Variants in KLHL2 observed in about 807,000 individuals in gnomAD.
KLHL2 encodes the protein kelch like family member 2.
In KLHL2, 15 loss-of-function variants were observed where a neutral mutation model predicts 75.8. The ratio of observed to expected loss-of-function variants is 0.20; its 90% CI spans 0.13 to 0.30. KLHL2 has a LOEUF of 0.30. Ranked by LOEUF, KLHL2 falls within the 10% of genes least tolerant of loss-of-function variation. The pLI, the probability that KLHL2 is intolerant of heterozygous loss-of-function variation, is 1.00. For synonymous variants in KLHL2, 214 were observed against 251.9 expected, an observed-to-expected ratio of 0.85 and a Z score of 1.42; for missense variants, 381 against 741.0, an observed-to-expected ratio of 0.51 and a Z score of 5.64.
chr4:165,236,643 T>G (rs2111085524), intron 3 of KLHL2, among the ~76,000 whole-genome samples: 1 of 152,352 alleles, frequency 6.6e-6, no homozygotes, highest in Non-Finnish European at 1.5e-5. Context: ...TGGAATTAGA[T>G]ATAAATAACT....
At chr4:165,209,083 G>A (rs1737031612) in intron 1 of KLHL2, among the ~76,000 whole-genome samples, 1 of 152,190 alleles carries the variant, frequency 6.6e-6, no homozygotes. Flanking sequence ...TGGAAATCTA[G>A]GGGGTAGATA....
intron 6 of KLHL2, among the ~76,000 whole-genome samples, chr4:165,297,202 A>G (rs1159549186): frequency 6.6e-6 from 1 of 152,136 alleles, no homozygotes; most frequent in Admixed American, 6.5e-5. Context: ...CTTATTTTTT[A>G]ATTTGTAAAA....
chr4:165,294,373 G>C lies in KLHL2; in HGVS notation c.559G>C (p.Asp187His). Residue 187 changes from aspartate to histidine, a missense_variant, in exon 6 of 15, where the codon GAT becomes CAT. Coordinates refer to ENST00000226725, the MANE Select transcript of KLHL2 (RefSeq NM_007246.4). ...ANTYAEQHFA[D>H]VVLSEEFLNL... Reference sequence around the variant, plus strand: ...TTCCCAAACAGAGCAACATTTTGCAGATGTTGTACTTAGTGAAGAATTTCT... The same window carrying C: ...TTCCCAAACAGAGCAACATTTTGCACATGTTGTACTTAGTGAAGAATTTCT... 1 of 1,601,378 alleles carries C rather than the reference G, an allele frequency of 6.2e-7. No individual in the cohort carries two copies. The highest frequency in any genetic ancestry group is 1.1e-5 in the South Asian group (1 of 90,686).
At chr4:165,284,938 C>A (rs745949720) in intron 5 of KLHL2, among the ~76,000 whole-genome samples, 3 of 152,148 alleles carry the variant, frequency 2.0e-5, no homozygotes, top group African/African-American at 7.2e-5. Flanking sequence ...TTTTTAAAAC[C>A]GTCAGATCTC....
chr4:165,207,891 G>T lies in KLHL2; in HGVS notation c.15G>T (p.Pro5=). METP[P]LPPACTKQGH... is the part of the protein sequence containing the mutation. ...GAGGAGCCACAATGGAGACGCCGCC[G>T]CTGCCTCCCGCGTGAGTGAGCGGGC... Residue 5 remains proline (P), a synonymous_variant, in exon 1 of 15, where the codon CCG becomes CCT. Transcript: ENST00000226725. This position sits in a 1 kb window ranked among gnomAD's most constrained non-coding sequence, Gnocchi z 4.2. 1 of 1,437,892 alleles carries T rather than the reference G, an allele frequency of 7.0e-7. No individual in the cohort carries two copies. Among genetic ancestry groups the T allele is most frequent in the Non-Finnish European group, 9.2e-7 (1 of 1,088,054 alleles). 89.1% of individuals were successfully genotyped at this position (1,437,892 alleles called of 1,614,324 possible).
chr4:165,235,929 A>G (rs1739310334), intron 3 of KLHL2, among the ~76,000 whole-genome samples: 2 of 152,210 alleles, frequency 1.3e-5, no homozygotes. Flanking sequence ...GGAGAGAGAG[A>G]AGGCTAGGTA....
rs1348282852 is a variant in KLHL2, at chr4:165,305,598, G to T, written c.922-10G>T. ...CATTTGTTCAAGTGCTTACATTTCT[G>T]CCCTTGTAGTTGATGGTGGTGGTTG... is the stretch of plus-strand genomic sequence containing the variant. On this transcript the variant is annotated splice_polypyrimidine_tract_variant and intron_variant, in intron 8 of 14. Transcript: ENST00000226725. 1 of 1,600,546 alleles carries T rather than the reference G, an allele frequency of 6.2e-7. No homozygotes were observed. The highest frequency in any genetic ancestry group is 8.6e-7 in the Non-Finnish European group (1 of 1,167,792).
chr4:165,218,379 G>C (rs1302296614), intron 1 of KLHL2, among the ~76,000 whole-genome samples: 2 of 152,140 alleles, frequency 1.3e-5, no homozygotes, highest in African/African-American at 4.8e-5. Context: ...AACATACCAG[G>C]TACATATTGG....
intron 1 of KLHL2, among the ~76,000 whole-genome samples, chr4:165,208,207 T>C (rs1736964403): frequency 6.6e-6 from 1 of 152,052 alleles, no homozygotes; most frequent in Non-Finnish European, 1.5e-5. Context: ...TGTACCTCCC[T>C]GAAATGCATG....
intron 1 of KLHL2, among the ~76,000 whole-genome samples, chr4:165,211,027 T>A (rs1055880850): frequency 6.6e-6 from 1 of 152,182 alleles, no homozygotes; most frequent in African/African-American, 2.4e-5. Context: ...GGTTCCACAT[T>A]ACTAGAGACT....
intron 12 of KLHL2, among the ~76,000 whole-genome samples, chr4:165,313,676 T>G (rs895628742): frequency 3.3e-5 from 5 of 152,214 alleles, no homozygotes; most frequent in African/African-American, 1.2e-4. Flanking sequence ...TCTTTTCATG[T>G]ATATTTCTTA....
At chr4:165,252,342 T>G in intron 4 of KLHL2, among the ~76,000 whole-genome samples, 1 of 151,862 alleles carries the variant, frequency 6.6e-6, no homozygotes, top group Non-Finnish European at 1.5e-5. Flanking sequence ...CCAGTCCAGG[T>G]GGTCACAGTC....
intron 3 of KLHL2, among the ~76,000 whole-genome samples, chr4:165,236,566 C>T (rs976491119): frequency 5.3e-5 from 8 of 152,136 alleles, no homozygotes; most frequent in African/African-American, 1.9e-4. Flanking sequence ...CTCACAAAGC[C>T]ATACTGTTTA....
chr4:165,297,030 G>A (rs1038257118), intron 6 of KLHL2, among the ~76,000 whole-genome samples: 1 of 151,800 alleles, frequency 6.6e-6, no homozygotes, highest in African/African-American at 2.4e-5. Flanking sequence ...ACCTATTTTT[G>A]GTCTCAGTTA....
chr4:165,320,091 T>C (rs1030087057), intron 14 of KLHL2, among the ~76,000 whole-genome samples: 7 of 152,134 alleles, frequency 4.6e-5, no homozygotes, highest in Admixed American at 1.3e-4. Flanking sequence ...CCAGATGCCA[T>C]GAAGAAAGTT....
At chr4:165,210,294 T>C in intron 1 of KLHL2, 1 of 1,046,992 alleles carries the variant, frequency 9.6e-7, no homozygotes, top group Non-Finnish European at 1.4e-6. Flanking sequence ...AAATTTACAT[T>C]GTTCTCAGAT....
intron 5 of KLHL2, among the ~76,000 whole-genome samples, chr4:165,283,435 T>C (rs1743845002): frequency 6.6e-6 from 1 of 151,958 alleles, no homozygotes; most frequent in Non-Finnish European, 1.5e-5. Context: ...ATGGGAGAAA[T>C]TGGCCAAAAC....
intron 1 of KLHL2, among the ~76,000 whole-genome samples, 188 bp downstream of exon 1, chr4:165,208,090 G>T (rs989760506): frequency 1.3e-5 from 2 of 151,846 alleles, no homozygotes; most frequent in Non-Finnish European, 2.9e-5. Context: ...CTGGCCAGGC[G>T]GTGACTTAAA....
chr4:165,304,095 C>G (rs573685102), intron 8 of KLHL2, among the ~76,000 whole-genome samples: 2 of 151,428 alleles, frequency 1.3e-5, no homozygotes, highest in Non-Finnish European at 2.9e-5. Flanking sequence ...GTTAACCAGG[C>G]TGGTCTTGAA....
Sources: gnomAD v4.1 joint callset for allele counts (sites outside exome capture counted in the v4.1 genomes callset) on GRCh38, gnomAD v4.1.1 for gene constraint, Gnocchi (gnomAD v3.1) non-coding constraint, MANE v1.5 for transcripts, NCBI Gene and HGNC (gene_info 2026-07-23, HGNC 2026-07-21) for gene names.